SIK2: variants seen among roughly 807,000 people sequenced by gnomAD.
SIK2 encodes the protein serine/threonine-protein kinase SIK2.
SIK2 carries 29 observed loss-of-function variants against 103.2 expected under a neutral mutation model. That is an observed-to-expected ratio of 0.28 (90% CI 0.21 to 0.38). The LOEUF is 0.38. Among genes scored for constraint, SIK2 ranks in the 10% least tolerant of loss-of-function variants. SIK2 has a pLI of 1.00. For missense variants in SIK2, 879 were observed against 1,171.0 expected (o/e 0.75, Z 3.64); for synonymous variants, 412 against 446.1 (o/e 0.92, Z 0.96).
chr11:111,632,640 C>T (rs891423341), intron 3 of SIK2, among the ~76,000 whole-genome samples: 7 of 152,084 alleles, frequency 4.6e-5, no homozygotes, highest in Admixed American at 2.6e-4. Context: ...GGTGGCATAA[C>T]CAAGACTTGA....
intron 2 of SIK2, among the ~76,000 whole-genome samples, chr11:111,618,483 A>G (rs1941837743): frequency 6.6e-6 from 1 of 152,158 alleles, no homozygotes; most frequent in South Asian, 2.1e-4. Context: ...AAAAATACTA[A>G]AACTACAGAG....
intron 3 of SIK2, among the ~76,000 whole-genome samples, chr11:111,621,908 A>G (rs533245628): frequency 6.6e-6 from 1 of 151,564 alleles, no homozygotes; most frequent in Non-Finnish European, 1.5e-5. Context: ...GTGAGATTTC[A>G]TCTCAATTAA....
chr11:111,606,636 T>C (rs1180882959), intron 1 of SIK2, among the ~76,000 whole-genome samples: 1 of 152,190 alleles, frequency 6.6e-6, no homozygotes, highest in Non-Finnish European at 1.5e-5. Flanking sequence ...TTATAGTAAA[T>C]AATACGCAGT....
intron 3 of SIK2, among the ~76,000 whole-genome samples, chr11:111,656,876 A>T (rs1327552634): frequency 2.0e-5 from 3 of 152,204 alleles, no homozygotes; most frequent in Non-Finnish European, 4.4e-5. Context: ...CCCTTGAGAG[A>T]TAAATAGAAA....
rs117202825 is a variant in SIK2, at chr11:111,662,257, A to G, written c.317-25744A>G. Among the ~76,000 whole-genome samples, 533 of 152,372 alleles carry G rather than the reference A, an allele frequency of 3.5e-3. 2 individuals are homozygous for G. The highest frequency in any genetic ancestry group is 0.014 in the Middle Eastern group (4 of 294). On this transcript the variant is annotated intron_variant, in intron 3 of 14. Transcript: ENST00000304987. ...GATGTCACAGATGGATAATAATAGC[A>G]AATATTCATTCGTCAATTCAGCAAA... is the stretch of plus-strand genomic sequence containing the variant.
At chr11:111,656,890 TA>T (rs1942398656) in intron 3 of SIK2, among the ~76,000 whole-genome samples, 1 of 152,150 alleles carries the variant, frequency 6.6e-6, no homozygotes, top group African/African-American at 2.4e-5. Context: ...ATAGAAACTT[TA>T]AAAAAGGACT....
chr11:111,671,735 A>G, intron 3 of SIK2: 1 of 402,952 alleles, frequency 2.5e-6, no homozygotes, highest in Non-Finnish European at 4.9e-6. Flanking sequence ...CTCATCAGTC[A>G]ACCCTTCCAG....
intron 3 of SIK2, among the ~76,000 whole-genome samples, chr11:111,685,995 G>T (rs1193035054): frequency 6.6e-6 from 1 of 152,206 alleles, no homozygotes; most frequent in East Asian, 1.9e-4. Context: ...AATTCAGCCA[G>T]ATTACTTAAT....
chr11:111,692,244 C>T (rs535076400), intron 4 of SIK2, among the ~76,000 whole-genome samples: 13 of 149,604 alleles, frequency 8.7e-5, no homozygotes, highest in African/African-American at 2.5e-4. Context: ...CCAGCTACTC[C>T]GGAGGCTGAG....
chr11:111,639,110 C>T (rs898114219), intron 3 of SIK2, among the ~76,000 whole-genome samples: 5 of 152,210 alleles, frequency 3.3e-5, no homozygotes, highest in African/African-American at 4.8e-5. Context: ...TAAACAGTCT[C>T]CAGTTTGGCT....
chr11:111,623,143 T>C (rs908375273), intron 3 of SIK2, among the ~76,000 whole-genome samples: 2 of 152,246 alleles, frequency 1.3e-5, no homozygotes, highest in Non-Finnish European at 2.9e-5. Flanking sequence ...TATTTCTGTC[T>C]TTAAATTCAC....
At chr11:111,603,889 T>C (rs1305798153) in intron 1 of SIK2, among the ~76,000 whole-genome samples, 1 of 152,256 alleles carries the variant, frequency 6.6e-6, no homozygotes, top group Non-Finnish European at 1.5e-5. Flanking sequence ...GAATGACTTA[T>C]GTAAGGCGAA....
intron 3 of SIK2, among the ~76,000 whole-genome samples, chr11:111,644,994 AAGAGT>A (rs1942236785): frequency 6.6e-6 from 1 of 152,196 alleles, no homozygotes; most frequent in African/African-American, 2.4e-5. Context: ...TTCATGTGCA[AAGAGT>A]AGAGCAGGGG....
At chr11:111,686,106 G>T (rs535644602) in intron 3 of SIK2, among the ~76,000 whole-genome samples, 1 of 152,256 alleles carries the variant, frequency 6.6e-6, no homozygotes, top group Non-Finnish European at 1.5e-5. Flanking sequence ...ATATGAACAT[G>T]CTTTGTAAAG....
intron 8 of SIK2, among the ~76,000 whole-genome samples, chr11:111,710,603 C>T (rs905114915): frequency 6.6e-6 from 1 of 152,190 alleles, no homozygotes; most frequent in Admixed American, 6.5e-5. Context: ...TTCTTACATT[C>T]TTGTGATCAT....
chr11:111,724,129 G>C lies in SIK2; in HGVS notation c.2781G>C (p.Ter927TyrextTer6). The C allele has an allele frequency of 6.2e-7, 1 of 1,606,160 alleles. No homozygotes were observed. The highest frequency in any genetic ancestry group is 8.5e-7 in the Non-Finnish European group (1 of 1,177,242). Residue 927 changes from the stop codon to tyrosine (Y), a stop_lost, in exon 15 of 15, where the codon TAG becomes TAC. Coordinates refer to ENST00000304987, the MANE Select transcript of SIK2 (RefSeq NM_015191.3). ...ACAACGGGTATGTCCTGGTGAATTA[G>C]TCTCAGCACAGGAATTGAGGTGGGT... ...PQHNGYVLVN[*>Y]
chr11:111,689,163 G>T (rs549230731), intron 4 of SIK2, among the ~76,000 whole-genome samples: 1 of 152,148 alleles, frequency 6.6e-6, no homozygotes, highest in Non-Finnish European at 1.5e-5. Context: ...AAAATCTGTA[G>T]GCATGCAGGA....
chr11:111,690,001 T>C (rs2135897711), intron 4 of SIK2, among the ~76,000 whole-genome samples: 1 of 147,578 alleles, frequency 6.8e-6, no homozygotes, highest in East Asian at 1.9e-4. Context: ...TATATATATA[T>C]CACACATATA....
At chr11:111,717,317 CAAAAAAAAAAAAAAA>C (rs34473568) in intron 9 of SIK2, among the ~76,000 whole-genome samples, 1 of 49,464 alleles carries the variant, frequency 2.0e-5, no homozygotes, top group African/African-American at 7.3e-5. Flanking sequence ...GACTCCGTCT[CAAAAAAAAAAAAAAA>C]AAAAAAAAAA....
Sources: gnomAD v4.1 joint callset for allele counts (sites outside exome capture counted in the v4.1 genomes callset) on GRCh38, gnomAD v4.1.1 for gene constraint, MANE v1.5 for transcripts, NCBI Gene and HGNC (gene_info 2026-07-23, HGNC 2026-07-21) for gene names.